RIPOR2: variants seen among roughly 807,000 people sequenced by gnomAD.
RIPOR2 encodes rho family-interacting cell polarization regulator 2.
A neutral mutation model predicts 114.5 loss-of-function variants in RIPOR2; 39 were observed. The ratio of observed to expected loss-of-function variants is 0.34; its 90% CI spans 0.26 to 0.44. The LOEUF is 0.44. Ranked by LOEUF, RIPOR2 falls within the 20% of genes least tolerant of loss-of-function variation. The pLI is 1.00. For synonymous variants in RIPOR2, 445 were observed against 484.4 expected (o/e 0.92, Z 1.07); for missense variants, 1,007 against 1,255.1 (o/e 0.80, Z 2.99).
chr6:24,835,627 C>T (rs2113697247), intron 15 of RIPOR2, 76 bp downstream of exon 15: 1 of 1,414,430 alleles, frequency 7.1e-7, no homozygotes, highest in East Asian at 2.5e-5. Flanking sequence ...TCCCTGGCAA[C>T]ACTAAAAAAT....
intron 1 of RIPOR2, among the ~76,000 whole-genome samples, chr6:25,019,208 G>A (rs1203485323): frequency 6.6e-6 from 1 of 152,098 alleles, no homozygotes; most frequent in Admixed American, 6.5e-5. Flanking sequence ...TGCCCAGATG[G>A]TCCCACATTT....
At chr6:24,847,482 G>A in intron 12 of RIPOR2, 1 of 1,509,822 alleles carries the variant, frequency 6.6e-7, no homozygotes, top group African/African-American at 1.4e-5. Flanking sequence ...GACATGCTAA[G>A]TCACACATGC....
chr6:25,035,526 A>G (rs140122071), intron 1 of RIPOR2, among the ~76,000 whole-genome samples: 3 of 152,340 alleles, frequency 2.0e-5, no homozygotes, highest in Non-Finnish European at 4.4e-5. Context: ...AACGGCAGCA[A>G]CACGGTTTCT....
chr6:24,903,921 T>C (rs536503775), intron 1 of RIPOR2, among the ~76,000 whole-genome samples: 31 of 152,358 alleles, frequency 2.0e-4, no homozygotes, highest in South Asian at 4.1e-4. Flanking sequence ...CTCATGACTT[T>C]CAGTGGCAGC....
intron 1 of RIPOR2, chr6:25,024,047 C>G (rs913817476): frequency 2.5e-5 from 19 of 760,232 alleles, no homozygotes; most frequent in Non-Finnish European, 4.4e-5. Flanking sequence ...TTGTAGAACT[C>G]GGGCATCCTC....
chr6:24,850,526 G>T, intron 10 of RIPOR2, 71 bp downstream of exon 10: 5 of 1,580,282 alleles, frequency 3.2e-6, no homozygotes, highest in Non-Finnish European at 4.3e-6. Context: ...AGGGGTCACG[G>T]GTAAGGGCCC....
intron 1 of RIPOR2, among the ~76,000 whole-genome samples, chr6:25,022,997 A>T (rs1346691283): frequency 6.7e-6 from 1 of 149,156 alleles, no homozygotes; most frequent in Non-Finnish European, 1.5e-5. Context: ...AGAGCAGTCA[A>T]TTTTTTTTTT....
At chr6:25,003,868 T>C (rs1285795135) in intron 1 of RIPOR2, among the ~76,000 whole-genome samples, 1 of 152,230 alleles carries the variant, frequency 6.6e-6, no homozygotes, top group Non-Finnish European at 1.5e-5. Flanking sequence ...AATAGTATTT[T>C]TGAATTCGTA....
chr6:24,842,840 AT>A (rs1761852562), intron 13 of RIPOR2, 21 bp downstream of exon 13: 2 of 1,387,978 alleles, frequency 1.4e-6, no homozygotes, highest in East Asian at 4.9e-5. Context: ...ACCTAATCCA[AT>A]TTCTCTGAAA....
chr6:24,976,452 G>T, intron 1 of RIPOR2: 3 of 1,568,190 alleles, frequency 1.9e-6, no homozygotes, highest in Non-Finnish European at 2.6e-6. Context: ...CGACATTGCC[G>T]TCGACGGTGA....
In RIPOR2 at chr6:24,805,251, A is replaced by G. The variant is rs1780700964; in HGVS notation, c.*1122T>C. The G allele has an allele frequency of 1.7e-5, 2 of 118,974 alleles. No homozygotes were observed. Among genetic ancestry groups the G allele is most frequent in the South Asian group, 5.2e-4 (2 of 3,868 alleles). 7.4% of individuals were successfully genotyped at this position (118,974 alleles called of 1,614,324 possible). A position where few individuals can be genotyped will look rare whatever the true frequency, so the allele number is the denominator to read the frequency against. On this transcript the variant is annotated 3_prime_UTR_variant, in exon 22 of 22. Transcript: ENST00000643898. ...TCTCATTAATTAAAAAAAAAAAAGC[A>G]TAAGCTTTGAGTTTTTTGTTTAAGT... is the stretch of plus-strand genomic sequence containing the variant.
At chr6:24,946,536 G>A (rs1400351429) in intron 1 of RIPOR2, among the ~76,000 whole-genome samples, 1 of 151,996 alleles carries the variant, frequency 6.6e-6, no homozygotes. Context: ...TCGCACCACT[G>A]CACTCCAACC....
intron 1 of RIPOR2, among the ~76,000 whole-genome samples, chr6:24,914,825 T>C (rs940938627): frequency 3.6e-4 from 55 of 152,214 alleles, no homozygotes; most frequent in African/African-American, 1.3e-3. Context: ...GCTTCACATA[T>C]GTAATAAAGA....
intron 1 of RIPOR2, among the ~76,000 whole-genome samples, chr6:25,019,101 C>A (rs1338307260): frequency 6.6e-6 from 1 of 152,150 alleles, no homozygotes; most frequent in African/African-American, 2.4e-5. Context: ...GTCCGGCAAC[C>A]TTCAAAGGTG....
intron 13 of RIPOR2, chr6:24,839,783 T>G: frequency 7.3e-7 from 1 of 1,377,728 alleles, no homozygotes; most frequent in South Asian, 1.8e-5. Flanking sequence ...TACTGACCAA[T>G]CTCTAATTCC....
chr6:24,819,928 TGAA>T (rs1310040317), intron 19 of RIPOR2, among the ~76,000 whole-genome samples: 5 of 152,170 alleles, frequency 3.3e-5, no homozygotes, highest in African/African-American at 1.2e-4. Flanking sequence ...TAATTACTCT[TGAA>T]GAGAATTGAG....
At chr6:24,953,512 C>T (rs567249826) in intron 1 of RIPOR2, among the ~76,000 whole-genome samples, 6 of 152,298 alleles carry the variant, frequency 3.9e-5, no homozygotes, top group African/African-American at 1.2e-4. Flanking sequence ...GAAGAGAGCT[C>T]TCACCAGAAA....
intron 1 of RIPOR2, among the ~76,000 whole-genome samples, chr6:24,987,164 T>G (rs1774566539): frequency 6.6e-6 from 1 of 152,266 alleles, no homozygotes; most frequent in Non-Finnish European, 1.5e-5. Flanking sequence ...TGCCCAACTC[T>G]CAACTGACTG....
intron 1 of RIPOR2, among the ~76,000 whole-genome samples, chr6:25,027,773 G>A (rs140922433): frequency 2.8e-4 from 42 of 152,264 alleles, no homozygotes; most frequent in East Asian, 2.7e-3. Context: ...ATCCGCAGAC[G>A]CCCCCAGGTT....
Sources: gnomAD v4.1 joint callset for allele counts (sites outside exome capture counted in the v4.1 genomes callset) on GRCh38, gnomAD v4.1.1 for gene constraint, MANE v1.5 for transcripts, NCBI Gene and HGNC (gene_info 2026-07-23, HGNC 2026-07-21) for gene names.